Variants in DNAJC7 observed in about 807,000 individuals in gnomAD.
The protein encoded by DNAJC7 is dnaJ homolog subfamily C member 7.
DNAJC7 carries 18 observed loss-of-function variants against 67.4 expected under a neutral mutation model. The observed-to-expected ratio is 0.27, with a 90% CI of 0.18 to 0.40. The LOEUF (loss-of-function observed/expected upper bound fraction) is 0.40. Ranked by LOEUF, DNAJC7 falls within the 10% of genes least tolerant of loss-of-function variation. The pLI is 1.00. For synonymous variants in DNAJC7, 220 were observed against 207.8 expected (o/e 1.06, Z -0.50); for missense variants, 419 against 613.8 (o/e 0.68, Z 3.35).
chr17:41,990,131 A>C, intron 6 of DNAJC7, 133 bp downstream of exon 6: 1 of 797,734 alleles, frequency 1.3e-6, no homozygotes, highest in South Asian at 1.7e-5. Flanking sequence ...CTAATCTTTG[A>C]CTTTAAGTCC....
chr17:42,007,827 G>GA (rs1446136202), intron 1 of DNAJC7, among the ~76,000 whole-genome samples: 4 of 126,548 alleles, frequency 3.2e-5, no homozygotes, highest in Admixed American at 8.6e-5. Context: ...CAATTGGCCA[G>GA]AAAAAACTGC....
chr17:42,008,236 C>T (rs1555650610), intron 1 of DNAJC7, among the ~76,000 whole-genome samples: 1 of 148,050 alleles, frequency 6.8e-6, no homozygotes, highest in East Asian at 2.1e-4. Flanking sequence ...TATTTGAACC[C>T]AGGAGGCGGA....
At chr17:41,997,362 G>T (rs2051689884) in intron 2 of DNAJC7, 123 bp from the exon 3 acceptor site, 2 of 1,233,492 alleles carry the variant, frequency 1.6e-6, no homozygotes, top group Admixed American at 2.4e-5. Flanking sequence ...GCCAAGAGGG[G>T]AGACCACTTG....
At position 41,997,100 on chromosome 17, in the gene DNAJC7, C is replaced by G. The variant is rs782015162; in HGVS notation, c.291+15G>C. ...GCAACCCAGCCTTCCCCAAACAGCC[C>G]CATTACATACATACCCGGACAAAAC... On this transcript the variant is annotated intron_variant, in intron 3 of 13. Coordinates refer to ENST00000457167, the MANE Select transcript of DNAJC7 (RefSeq NM_003315.4). The G allele has an allele frequency of 1.4e-5, 22 of 1,613,764 alleles. No individual in the cohort carries two copies. In the South Asian group the frequency reaches 2.3e-4, roughly 17 times the overall value.
At chr17:42,008,411 T>C (rs1378851165) in intron 1 of DNAJC7, among the ~76,000 whole-genome samples, 1 of 32,144 alleles carries the variant, frequency 3.1e-5, no homozygotes, top group East Asian at 6.9e-4. Context: ...TATATATAGA[T>C]ATAGATTTTT....
chr17:41,997,522 G>C (rs184920300), intron 2 of DNAJC7, among the ~76,000 whole-genome samples: 1 of 152,134 alleles, frequency 6.6e-6, no homozygotes, highest in East Asian at 1.9e-4. Context: ...GCTTGAATCT[G>C]GGAAGTGGAG....
intron 8 of DNAJC7, 78 bp from the exon 9 acceptor site, chr17:41,987,988 A>C (rs2051426832): frequency 8.3e-7 from 1 of 1,204,492 alleles, no homozygotes; most frequent in South Asian, 1.3e-5. Context: ...ATGGCTTCAA[A>C]ACTCTAAGAG....
In DNAJC7 at chr17:41,982,778, G is replaced by A. The variant is rs551703257; in HGVS notation, c.1085-377C>T. 2.0e-5 allele frequency among the ~76,000 whole-genome samples: 3 copies of A among 152,174 alleles called. No individual in the cohort carries two copies. The East Asian group carries it at 5.8e-4, about 29-fold the overall frequency. On this transcript the variant is annotated intron_variant, in intron 10 of 13. Transcript: ENST00000457167. ...GTTCGGGACTAGCCTGTCCAACATGGTGAAACCCCATCCCTACTAAAAATA... is the reference window on the plus strand; with the variant it reads ...GTTCGGGACTAGCCTGTCCAACATGATGAAACCCCATCCCTACTAAAAATA...
chr17:41,983,681 C>T, intron 9 of DNAJC7, 45 bp from the exon 10 acceptor site: 1 of 1,537,358 alleles, frequency 6.5e-7, no homozygotes, highest in Non-Finnish European at 8.9e-7. Flanking sequence ...ACATAAATAG[C>T]AGTGGTTCTC....
intron 1 of DNAJC7, chr17:42,016,533 A>G (rs1231621239): frequency 6.6e-6 from 1 of 152,294 alleles, no homozygotes; most frequent in Non-Finnish European, 1.5e-5. Flanking sequence ...CCCCACTTCC[A>G]ATAATCTGGC....
chr17:42,008,988 G>GC (rs1381384219), intron 1 of DNAJC7, among the ~76,000 whole-genome samples: 3 of 152,202 alleles, frequency 2.0e-5, no homozygotes, highest in Non-Finnish European at 4.4e-5. Context: ...GGGATTAAAG[G>GC]CGTGAGCCAT....
intron 13 of DNAJC7, chr17:41,977,027 G>C (rs1024425793): frequency 1.6e-6 from 1 of 639,680 alleles, no homozygotes; most frequent in African/African-American, 1.8e-5. Flanking sequence ...TAGGCAGTTA[G>C]AGATGCCTCC....
rs1179746780 is a variant in DNAJC7, at chr17:41,996,427, A to T, written c.292-3T>A. 1.9e-6 allele frequency: 3 copies of T among 1,610,518 alleles called. No homozygotes were observed. In the African/African-American group the frequency reaches 4.0e-5, roughly 22 times the overall value. On this transcript the variant is annotated splice_region_variant and splice_polypyrimidine_tract_variant and intron_variant, in intron 3 of 13. Transcript: ENST00000457167. ...CACTTGCCCTCTCGTAGATGTCCCT[A>T]AAAGAACACCAAGAGGGAAGAAAAG...
At chr17:41,992,268 G>A (rs563204228) in intron 5 of DNAJC7, among the ~76,000 whole-genome samples, 1 of 152,198 alleles carries the variant, frequency 6.6e-6, no homozygotes, top group East Asian at 1.9e-4. Flanking sequence ...TGCCTCCCGG[G>A]TTCAAGCAAT....
intron 1 of DNAJC7, among the ~76,000 whole-genome samples, chr17:42,003,950 A>ATTTTTTTTTTT (rs10631965): frequency 1.5e-4 from 14 of 94,322 alleles, no homozygotes; most frequent in East Asian, 6.9e-4. Flanking sequence ...AAGATTTTCA[A>ATTTTTTTTTTT]TTTTTTTTTT....
At chr17:42,011,013 T>C (rs971054476) in intron 1 of DNAJC7, 23 of 152,206 alleles carry the variant, frequency 1.5e-4, no homozygotes, top group African/African-American at 4.1e-4. Context: ...TAACTGCACT[T>C]TGAATTTTGT....
chr17:41,988,959 G>C (rs2051446518), intron 7 of DNAJC7, 63 bp from the exon 8 acceptor site: 8 of 1,571,724 alleles, frequency 5.1e-6, no homozygotes, highest in Non-Finnish European at 6.9e-6. Flanking sequence ...ATTGCACAGA[G>C]AGGCCAGACT....
chr17:42,016,872 G>T, intron 1 of DNAJC7: 1 of 884,010 alleles, frequency 1.1e-6, no homozygotes, highest in Non-Finnish European at 1.4e-6. Context: ...TTCGAACCCA[G>T]ACTAGTGATC....
At chr17:41,993,457 TCAAAA>T (rs1310857399) in intron 5 of DNAJC7, among the ~76,000 whole-genome samples, 46 of 151,946 alleles carry the variant, frequency 3.0e-4, no homozygotes, top group East Asian at 1.9e-3. Flanking sequence ...AGACTCTGCC[TCAAAA>T]CAAAACAAAA....
Sources: allele counts gnomAD v4.1 joint callset (sites outside exome capture counted in the v4.1 genomes callset), GRCh38; gene constraint gnomAD v4.1.1; transcripts MANE v1.5; gene names NCBI Gene and HGNC (gene_info 2026-07-23, HGNC 2026-07-21).